CDKN1A: variants seen among roughly 807,000 people sequenced by gnomAD.
The protein encoded by CDKN1A is cyclin-dependent kinase inhibitor 1.
In CDKN1A, 14 loss-of-function variants were observed where a neutral mutation model predicts 14.8. That is an observed-to-expected ratio of 0.94 (90% CI 0.62 to 1.48). CDKN1A has a LOEUF of 1.48. CDKN1A is among the 40% of genes most tolerant of loss of function. The probability of loss-of-function intolerance (pLI) is 0.00; values close to 1 mark genes in which losing one functional copy is unlikely to be tolerated. For synonymous variants in CDKN1A, 92 were observed against 93.5 expected, an observed-to-expected ratio of 0.98 and a Z score of 0.09; for missense variants, 203 against 231.7, an observed-to-expected ratio of 0.88 and a Z score of 0.80.
chr6:36,679,875 TG>T (rs1363143954), intron 1 of CDKN1A, among the ~76,000 whole-genome samples: 2 of 71,010 alleles, frequency 2.8e-5, no homozygotes, highest in African/African-American at 1.1e-4. Context: ...GTGGGGGGTC[TG>T]GGGGGCACGA....
At position 36,681,361 on chromosome 6, in the gene CDKN1A, T is replaced by TTTTCTTTCTTTCTTTC. The variant is rs377657015; in HGVS notation, c.-6+2594_-6+2609dup. Among the ~76,000 whole-genome samples the TTTTCTTTCTTTCTTTC allele has an allele frequency of 9.7e-3, 545 of 55,898 alleles. 13 individuals carry two copies. Among genetic ancestry groups the TTTTCTTTCTTTCTTTC allele is most frequent in the Middle Eastern group, 0.025 (3 of 118 alleles). The allele number at this position is 55,898 out of a possible 152,430, so 36.7% of individuals were successfully genotyped here. ...TTCTTTCTTTCTTTCTTTTTCTTTCTTTTCTTTCTTTCTTTCTTTCTTTCT... is the reference window on the plus strand; with the variant it reads ...TTCTTTCTTTCTTTCTTTTTCTTTCTTTTCTTTCTTTCTTTCTTTCTTTCTTTCTTTCTTTCTTTCT... On this transcript the variant is annotated intron_variant, in intron 1 of 2. Transcript: ENST00000244741.
In CDKN1A at chr6:36,686,633, C is replaced by G. The variant is rs1292832469; in HGVS notation, c.*833C>G. 1 of 233,934 alleles carries G rather than the reference C, an allele frequency of 4.3e-6. No individual in the cohort carries two copies. Among genetic ancestry groups the G allele is most frequent in the Non-Finnish European group, 8.5e-6 (1 of 118,296 alleles). The allele number at this position is 233,934 out of a possible 1,614,324, so 14.5% of individuals were successfully genotyped here. A position where few individuals can be genotyped will look rare whatever the true frequency, so the allele number is the denominator to read the frequency against. On this transcript the variant is annotated 3_prime_UTR_variant, in exon 3 of 3. Coordinates refer to ENST00000244741, the MANE Select transcript of CDKN1A (RefSeq NM_000389.5). The surrounding 1 kb of genome is among the most constrained non-coding windows in gnomAD (Gnocchi z 4.9). ...GCTGTCCCTCCCCCTTGTCCTTTCC[C>G]TTCAGTACCCTCTCAGCTCCAGGTG... is the stretch of plus-strand genomic sequence containing the variant.
In CDKN1A at chr6:36,684,141, G is replaced by A. The variant is rs576307617; in HGVS notation, c.40G>A (p.Gly14Ser). The change falls in exon 2 of 3, where the codon GGC becomes AGC. Residue 14 changes from glycine to serine, a missense_variant. Gly to Ser is a moderately conservative substitution (Grantham distance 56, BLOSUM62 0). Transcript: ENST00000244741. This position sits in a 1 kb window ranked among gnomAD's most constrained non-coding sequence, Gnocchi z 6.0. Reference sequence around the variant, plus strand: ...TGGGGATGTCCGTCAGAACCCATGCGGCAGCAAGGCCTGCCGCCGCCTCTT... The same window carrying A: ...TGGGGATGTCCGTCAGAACCCATGCAGCAGCAAGGCCTGCCGCCGCCTCTT... ...PAGDVRQNPC[G>S]SKACRRLFGP... 3.2e-5 allele frequency: 51 copies of A among 1,613,046 alleles called. No individual in the cohort carries two copies. The highest frequency in any genetic ancestry group is 1.7e-4 in the Middle Eastern group (1 of 6,054).
Position 36,684,200 on chromosome 6 carries a change from C to T in CDKN1A, c.99C>T (p.Asp33=). The T allele has an allele frequency of 6.2e-7, 1 of 1,612,012 alleles. No homozygotes were observed. The highest frequency in any genetic ancestry group is 1.1e-5 in the South Asian group (1 of 91,086). ...TGGACAGCGAGCAGCTGAGCCGCGA[C>T]TGTGATGCGCTAATGGCGGGCTGCA... ...GPVDSEQLSR[D]CDALMAGCIQ... The change falls in exon 2 of 3, where the codon GAC becomes GAT. Residue 33 remains aspartate, a synonymous_variant. Coordinates refer to ENST00000244741, the MANE Select transcript of CDKN1A (RefSeq NM_000389.5). The surrounding 1 kb of genome is among the most constrained non-coding windows in gnomAD (Gnocchi z 6.0).
chr6:36,680,180 C>G lies in CDKN1A; in HGVS notation c.-6+1382C>G, dbSNP rs563733227. On this transcript the variant is annotated intron_variant, in intron 1 of 2. Coordinates refer to ENST00000244741, the MANE Select transcript of CDKN1A (RefSeq NM_000389.5). Reference sequence around the variant, plus strand: ...TCGCGTTTCTGGGAGGACTTGCGAGCGGTTTTGTTTTCGTTGCTCCCGTCT... The same window carrying G: ...TCGCGTTTCTGGGAGGACTTGCGAGGGGTTTTGTTTTCGTTGCTCCCGTCT... 1.1e-4 allele frequency among the ~76,000 whole-genome samples: 17 copies of G among 152,264 alleles called. 1 individual carries two copies. In the South Asian group the frequency reaches 3.3e-3, roughly 30 times the overall value.
intron 1 of CDKN1A, among the ~76,000 whole-genome samples, chr6:36,681,359 T>TC (rs1761973534): frequency 9.6e-6 from 1 of 104,340 alleles, no homozygotes; most frequent in Non-Finnish European, 2.0e-5. Context: ...TCTTTTTCTT[T>TC]CTTTTCTTTC....
chr6:36,677,455 C>A (rs1273540506), upstream of CDKN1A, among the ~76,000 whole-genome samples: 1 of 152,086 alleles, frequency 6.6e-6, no homozygotes, highest in Non-Finnish European at 1.5e-5. Flanking sequence ...ATGAACAATC[C>A]ATCCTCTGCA....
At chr6:36,681,735 G>A (rs1174607160) in intron 1 of CDKN1A, among the ~76,000 whole-genome samples, 1 of 151,644 alleles carries the variant, frequency 6.6e-6, no homozygotes, top group Admixed American at 6.6e-5. Flanking sequence ...TGGGACTACA[G>A]GTGCTGCCAT....
upstream of CDKN1A, chr6:36,678,017 C>T: frequency 1.9e-6 from 1 of 525,854 alleles, no homozygotes; most frequent in Middle Eastern, 3.2e-4. This position sits in a 1 kb window ranked among gnomAD's most constrained non-coding sequence, Gnocchi z 5.7. Flanking sequence ...TTGGTAGTCT[C>T]TCCAATTCCC....
intron 1 of CDKN1A, among the ~76,000 whole-genome samples, chr6:36,682,158 T>C (rs542852723): frequency 3.9e-5 from 6 of 152,384 alleles, no homozygotes; most frequent in Non-Finnish European, 8.8e-5. Context: ...GTTCAGATCC[T>C]GGCTGTGCCA....
intron 1 of CDKN1A, among the ~76,000 whole-genome samples, chr6:36,681,401 CTT>C (rs369433030): frequency 0.035 from 3,345 of 96,560 alleles, 204 homozygotes; most frequent in East Asian, 0.11. Flanking sequence ...TTCTTTCTTT[CTT>C]TCTTCCTTTC....
chr6:36,685,723 C>T (rs1762177367), intron 2 of CDKN1A, 28 bp from the exon 3 acceptor site: 2 of 1,613,642 alleles, frequency 1.2e-6, no homozygotes, highest in East Asian at 4.5e-5. Flanking sequence ...TCTTCTTGGC[C>T]TGGCTGACTT....
In CDKN1A at chr6:36,685,869, T is replaced by G; in HGVS notation, c.*69T>G. Reference sequence around the variant, plus strand: ...AAAGGCCCGCTCTACATCTTCTGCCTTAGTCTCAGTTTGTGTGTCTTAATT... The same window carrying G: ...AAAGGCCCGCTCTACATCTTCTGCCGTAGTCTCAGTTTGTGTGTCTTAATT... On this transcript the variant is annotated 3_prime_UTR_variant, in exon 3 of 3. Transcript: ENST00000244741. The G allele has an allele frequency of 7.4e-7, 1 of 1,360,352 alleles. No individual in the cohort carries two copies. The highest frequency in any genetic ancestry group is 1.1e-6 in the Non-Finnish European group (1 of 950,810). 84.3% of individuals were successfully genotyped at this position (1,360,352 alleles called of 1,614,324 possible). A position where few individuals can be genotyped will look rare whatever the true frequency, so the allele number is the denominator to read the frequency against.
intron 2 of CDKN1A, among the ~76,000 whole-genome samples, chr6:36,685,246 A>G (rs1478749322): frequency 6.6e-6 from 1 of 152,216 alleles, no homozygotes; most frequent in African/African-American, 2.4e-5. Context: ...TATAATAACA[A>G]CAACTACTGA....
At chr6:36,678,088 T>C, upstream of CDKN1A, 6 of 381,128 alleles carry the variant, frequency 1.6e-5, no homozygotes, top group South Asian at 1.2e-4. The surrounding 1 kb of genome is among the most constrained non-coding windows in gnomAD (Gnocchi z 5.7). Context: ...TGGACCTCAA[T>C]TTCCTCATCT....
Position 36,686,416 on chromosome 6 carries a change from CCTCT to C in CDKN1A, c.*617_*620del, listed in dbSNP as rs1762208652. 1 of 241,154 alleles carries C rather than the reference CCTCT, an allele frequency of 4.1e-6. No homozygotes were observed. Among genetic ancestry groups the C allele is most frequent in the Non-Finnish European group, 8.1e-6 (1 of 122,742 alleles). 14.9% of individuals were successfully genotyped at this position (241,154 alleles called of 1,614,324 possible). On this transcript the variant is annotated 3_prime_UTR_variant, in exon 3 of 3. Coordinates refer to ENST00000244741, the MANE Select transcript of CDKN1A (RefSeq NM_000389.5). The surrounding 1 kb of genome is among the most constrained non-coding windows in gnomAD (Gnocchi z 4.9). ...GTACCCTCCTGGCTCTTGATACCCC[CCTCT>C]GTCTTGTGAAGGCAGGGGGAAGGTG...
rs193201325 is a variant in CDKN1A, at chr6:36,681,633, C to A, written c.-5-2464C>A. On this transcript the variant is annotated intron_variant, in intron 1 of 2. Transcript: ENST00000244741. ...TTTGAGATGCGGTCTCGCTCTGTCA[C>A]CCAGGCTGGAGTGCAGTGGCGTGAT... 4.8e-3 allele frequency among the ~76,000 whole-genome samples: 665 copies of A among 139,276 alleles called. 5 individuals are homozygous for A. The highest frequency in any genetic ancestry group is 0.017 in the African/African-American group (623 of 37,444). 91.4% of individuals were successfully genotyped at this position (139,276 alleles called of 152,430 possible). A position where few individuals can be genotyped will look rare whatever the true frequency, so the allele number is the denominator to read the frequency against.
At chr6:36,681,270 T>TTCTC (rs748598723) in intron 1 of CDKN1A, among the ~76,000 whole-genome samples, 7,382 of 85,640 alleles carry the variant, frequency 0.086, 525 homozygotes, top group East Asian at 0.13. Context: ...GTGCTTTTCT[T>TTCTC]TCTTTCTTTT....
rs1300371776 is a variant in CDKN1A, at chr6:36,687,118, G to A, written c.*1318G>A. On this transcript the variant is annotated 3_prime_UTR_variant, in exon 3 of 3. Transcript: ENST00000244741. ...AAGTGCTTAGTGTACTTGGAGTATTGGGGTCTGACCCCAAACACCTTCCAG... is the reference window on the plus strand; with the variant it reads ...AAGTGCTTAGTGTACTTGGAGTATTAGGGTCTGACCCCAAACACCTTCCAG... 2 of 233,078 alleles carry A rather than the reference G, an allele frequency of 8.6e-6. No individual in the cohort carries two copies. Among genetic ancestry groups the A allele is most frequent in the African/African-American group, 4.4e-5 (2 of 45,292 alleles). 14.4% of individuals were successfully genotyped at this position (233,078 alleles called of 1,614,324 possible). A position where few individuals can be genotyped will look rare whatever the true frequency, so the allele number is the denominator to read the frequency against.
Sources: gnomAD v4.1 joint callset for allele counts (sites outside exome capture counted in the v4.1 genomes callset) on GRCh38, gnomAD v4.1.1 for gene constraint, Gnocchi (gnomAD v3.1) non-coding constraint, MANE v1.5 for transcripts, NCBI Gene and HGNC (gene_info 2026-07-23, HGNC 2026-07-21) for gene names.